PIEZO2: variants seen among roughly 807,000 people sequenced by gnomAD.
PIEZO2 encodes the protein piezo-type mechanosensitive ion channel component 2.
In PIEZO2, 172 loss-of-function variants were observed where a neutral mutation model predicts 337.3. The ratio of observed to expected loss-of-function variants is 0.51; its 90% confidence interval spans 0.45 to 0.58. The LOEUF (loss-of-function observed/expected upper bound fraction) is 0.58, where lower values mean the gene tolerates loss of function less well. Ranked by LOEUF, PIEZO2 falls within the 20% of genes least tolerant of loss-of-function variation. The probability of loss-of-function intolerance (pLI) is 0.00; values close to 1 mark genes in which losing one functional copy is unlikely to be tolerated. For synonymous variants in PIEZO2, 1,251 were observed against 1,228.5 expected, an observed-to-expected ratio of 1.02 and a Z score of -0.38; for missense variants, 3,028 against 3,391.3, an observed-to-expected ratio of 0.89 and a Z score of 2.66.
chr18:10,912,157 C>T (rs1184869824), intron 3 of PIEZO2, among the ~76,000 whole-genome samples: 2 of 151,922 alleles, frequency 1.3e-5, no homozygotes, highest in African/African-American at 4.8e-5. Context: ...AGATGGACAG[C>T]TGGGTATAAA....
intron 47 of PIEZO2, 80 bp downstream of exon 47, chr18:10,695,993 TG>T: frequency 7.5e-7 from 1 of 1,338,716 alleles, no homozygotes; most frequent in Middle Eastern, 2.2e-4. Context: ...GCAGTTCTGC[TG>T]TGCAATGCAT....
chr18:10,742,347 C>T, intron 32 of PIEZO2, 147 bp downstream of exon 32: 1 of 876,594 alleles, frequency 1.1e-6, no homozygotes, highest in South Asian at 1.8e-5. Flanking sequence ...TATATCCATT[C>T]ACAATGGGAA....
At chr18:10,703,715 A>C (rs2035438990) in intron 42 of PIEZO2, among the ~76,000 whole-genome samples, 1 of 152,014 alleles carries the variant, frequency 6.6e-6, no homozygotes, top group Non-Finnish European at 1.5e-5. Context: ...TTTCATGGGC[A>C]TTCGTGATCC....
intron 21 of PIEZO2, among the ~76,000 whole-genome samples, chr18:10,765,600 G>A (rs1214150224): frequency 1.3e-5 from 2 of 152,192 alleles, no homozygotes; most frequent in Non-Finnish European, 2.9e-5. Context: ...GGAGGCAGAG[G>A]GAGTGAGTAG....
intron 1 of PIEZO2, among the ~76,000 whole-genome samples, chr18:11,067,766 C>A (rs1201168662): frequency 1.3e-5 from 2 of 152,150 alleles, no homozygotes; most frequent in Admixed American, 6.5e-5. Flanking sequence ...GTAATAATAG[C>A]AGGGACCTCA....
At chr18:10,782,972 TA>T (rs1441126544) in intron 17 of PIEZO2, among the ~76,000 whole-genome samples, 1 of 152,184 alleles carries the variant, frequency 6.6e-6, no homozygotes, top group Non-Finnish European at 1.5e-5. Context: ...TGCATGTTTC[TA>T]CTTTTCTGGA....
chr18:10,747,488 C>T (rs954982), intron 30 of PIEZO2, among the ~76,000 whole-genome samples: 42 of 152,280 alleles, frequency 2.8e-4, no homozygotes, highest in African/African-American at 1.0e-3. Context: ...ACATTGTATT[C>T]TGCTCTGAAA....
intron 44 of PIEZO2, among the ~76,000 whole-genome samples, chr18:10,698,584 A>G (rs2143708224): frequency 6.6e-6 from 1 of 152,372 alleles, no homozygotes; most frequent in Non-Finnish European, 1.5e-5. Flanking sequence ...ATTGTGATTG[A>G]TAGCACTCTG....
chr18:10,761,091 AGCCAG>A lies in PIEZO2; in HGVS notation c.3265_3269del (p.Leu1089TyrfsTer5). ...AAATGGTGACTTCAAAGGCCAGGAT[AGCCAG>A]CATCAGGAGGTTATTCTACAAAGCA... is the stretch of plus-strand genomic sequence containing the variant. On this transcript the variant is annotated frameshift_variant, in exon 24 of 56. Transcript: ENST00000674853. LOFTEE classifies it high-confidence loss of function. 1 of 1,537,218 alleles carries A rather than the reference AGCCAG, an allele frequency of 6.5e-7. No individual in the cohort carries two copies.
In PIEZO2 at chr18:10,924,245, C is replaced by T. The variant is rs192031555; in HGVS notation, c.287-13017G>A. Among the ~76,000 whole-genome samples, 42 of 152,202 alleles carry T rather than the reference C, an allele frequency of 2.8e-4. 1 individual carries two copies. Among genetic ancestry groups the T allele is most frequent in the African/African-American group, 9.9e-4 (41 of 41,530 alleles). ...CGCTTCTCTTTTTAATTTGGCGCACCGTTATGTTTTGTGGTTTGTTTCAGT... is the reference window on the plus strand; with the variant it reads ...CGCTTCTCTTTTTAATTTGGCGCACTGTTATGTTTTGTGGTTTGTTTCAGT... On this transcript the variant is annotated intron_variant, in intron 3 of 55. Coordinates refer to ENST00000674853, the MANE Select transcript of PIEZO2 (RefSeq NM_001378183.1).
At chr18:10,858,478 A>C (rs1269653747) in intron 5 of PIEZO2, among the ~76,000 whole-genome samples, 1 of 152,150 alleles carries the variant, frequency 6.6e-6, no homozygotes. Flanking sequence ...AGTCTCACAA[A>C]GCTAAGAAGA....
chr18:10,726,960 C>A lies in PIEZO2; in HGVS notation c.5029+4447G>T, dbSNP rs1161088969. On this transcript the variant is annotated intron_variant, in intron 36 of 55. Transcript: ENST00000674853. This position sits in a 1 kb window ranked among gnomAD's most constrained non-coding sequence, Gnocchi z 5.9. ...ACTGATGTAGGTTGAGGGCTGCAGA[C>A]AGAGGCCCTGGACAGAAGCTCCAGA... 1.4e-6 allele frequency: 2 copies of A among 1,406,576 alleles called. No homozygotes were observed. Among genetic ancestry groups the A allele is most frequent in the African/African-American group, 2.9e-5 (2 of 69,144 alleles). 87.1% of individuals were successfully genotyped at this position (1,406,576 alleles called of 1,614,324 possible).
rs572852708 is a variant in PIEZO2, at chr18:10,767,890, G to C, written c.2946+2258C>G. On this transcript the variant is annotated intron_variant, in intron 21 of 55. Transcript: ENST00000674853. The surrounding 1 kb of genome is among the most constrained non-coding windows in gnomAD (Gnocchi z 4.2). ...ATGCCCCACCGTGGAGCCTCCAGGA[G>C]GGCAAGGGCAGGTTTACCCGCCAGT... Among the ~76,000 whole-genome samples, 41 of 152,314 alleles carry C rather than the reference G, an allele frequency of 2.7e-4. No homozygotes were observed. In the South Asian group the frequency reaches 8.3e-3, roughly 31 times the overall value.
chr18:10,754,918 A>G (rs1337400710), intron 27 of PIEZO2, among the ~76,000 whole-genome samples: 2 of 152,082 alleles, frequency 1.3e-5, no homozygotes, highest in Non-Finnish European at 2.9e-5. Flanking sequence ...CCTCATCTCT[A>G]CAACAGGGAT....
rs545210949 is a variant in PIEZO2, at chr18:10,833,970, T to C, written c.917+21383A>G. 1.7e-4 allele frequency among the ~76,000 whole-genome samples: 26 copies of C among 152,350 alleles called. 1 individual carries two copies. The South Asian group carries it at 5.4e-3, about 32-fold the overall frequency. ...AGAAGAGCAGAATAGGAGAGTGATTTAGAATACAGGCTTCAGAATTAGAGT... is the reference window on the plus strand; with the variant it reads ...AGAAGAGCAGAATAGGAGAGTGATTCAGAATACAGGCTTCAGAATTAGAGT... On this transcript the variant is annotated intron_variant, in intron 7 of 55. Coordinates refer to ENST00000674853, the MANE Select transcript of PIEZO2 (RefSeq NM_001378183.1). This position sits in a 1 kb window ranked among gnomAD's most constrained non-coding sequence, Gnocchi z 4.7.
chr18:10,917,515 T>C (rs1343897863), intron 3 of PIEZO2, among the ~76,000 whole-genome samples: 1 of 152,210 alleles, frequency 6.6e-6, no homozygotes, highest in Non-Finnish European at 1.5e-5. Context: ...AATGGATTCA[T>C]TGCTCAATTT....
intron 28 of PIEZO2, among the ~76,000 whole-genome samples, chr18:10,752,085 G>T: frequency 6.6e-6 from 1 of 152,252 alleles, no homozygotes; most frequent in South Asian, 2.1e-4. Flanking sequence ...CAGACAGAAG[G>T]CTGCATTTTC....
rs535186163 is a variant in PIEZO2 at position 10,940,763 on chromosome 18, G to A, written c.287-29535C>T. Among the ~76,000 whole-genome samples, 11 of 152,270 alleles carry A rather than the reference G, an allele frequency of 7.2e-5. No homozygotes were observed. In the South Asian group the frequency reaches 2.1e-3, roughly 29 times the overall value. On this transcript the variant is annotated intron_variant, in intron 3 of 55. Coordinates refer to ENST00000674853, the MANE Select transcript of PIEZO2 (RefSeq NM_001378183.1). This position sits in a 1 kb window ranked among gnomAD's most constrained non-coding sequence, Gnocchi z 5.3. ...TGTAGTCCCAGCTACTGGGGAGGCT[G>A]AGGCAGAAGAATCGCTTGAACCCGG...
intron 3 of PIEZO2, among the ~76,000 whole-genome samples, chr18:10,966,570 G>A (rs1462374030): frequency 6.6e-6 from 1 of 152,042 alleles, no homozygotes; most frequent in East Asian, 1.9e-4. Flanking sequence ...CCTCAATATT[G>A]AGTGCAGATT....
Sources: allele counts gnomAD v4.1 joint callset (sites outside exome capture counted in the v4.1 genomes callset), GRCh38; gene constraint gnomAD v4.1.1; non-coding constraint Gnocchi (gnomAD v3.1); transcripts MANE v1.5; gene names NCBI Gene and HGNC (gene_info 2026-07-23, HGNC 2026-07-21).